The following TMPRSS12 variants were observed in gnomAD, a reference collection of about 807,000 sequenced individuals.
The protein encoded by TMPRSS12 is transmembrane protease serine 12.
A neutral mutation model predicts 26.0 loss-of-function variants in TMPRSS12; 25 were observed. The observed-to-expected ratio is 0.96, with a 90% CI of 0.70 to 1.34. The LOEUF (loss-of-function observed/expected upper bound fraction) is 1.34. Ranked by LOEUF, TMPRSS12 falls within the 40% of genes most tolerant of loss-of-function variation. TMPRSS12 has a pLI of 0.00. For missense variants in TMPRSS12, 441 were observed against 440.1 expected, an observed-to-expected ratio of 1.00 and a Z score of -0.02; for synonymous variants, 150 against 161.7, an observed-to-expected ratio of 0.93 and a Z score of 0.55.
chr12:50,864,854 T>C (rs1461598494), intron 3 of TMPRSS12, among the ~76,000 whole-genome samples: 1 of 151,350 alleles, frequency 6.6e-6, no homozygotes, highest in Non-Finnish European at 1.5e-5. Flanking sequence ...AGAGACAGGG[T>C]TTCACCGTGT....
At chr12:50,879,022 C>T (rs1375478751) in intron 3 of TMPRSS12, among the ~76,000 whole-genome samples, 2 of 152,178 alleles carry the variant, frequency 1.3e-5, no homozygotes, top group African/African-American at 2.4e-5. Flanking sequence ...AATCAGACAC[C>T]GAATCTGCCA....
At chr12:50,884,926 C>T (rs1283119606) in intron 3 of TMPRSS12, among the ~76,000 whole-genome samples, 1 of 150,940 alleles carries the variant, frequency 6.6e-6, no homozygotes, top group Non-Finnish European at 1.5e-5. Context: ...CACCTGTAAT[C>T]CCAGTTACTC....
intron 3 of TMPRSS12, among the ~76,000 whole-genome samples, chr12:50,871,457 T>C (rs1462822270): frequency 6.6e-6 from 1 of 152,194 alleles, no homozygotes; most frequent in East Asian, 1.9e-4. Context: ...CAAGATGGAT[T>C]AGGGACTTAA....
At chr12:50,864,652 T>C (rs1206789106) in intron 3 of TMPRSS12, among the ~76,000 whole-genome samples, 4 of 152,078 alleles carry the variant, frequency 2.6e-5, no homozygotes, top group African/African-American at 4.8e-5. Flanking sequence ...CAATAGACTA[T>C]TGTTTTGTTT....
At chr12:50,847,057 C>T (rs1386422943) in intron 2 of TMPRSS12, among the ~76,000 whole-genome samples, 7 of 109,904 alleles carry the variant, frequency 6.4e-5, no homozygotes, top group Non-Finnish European at 8.5e-5. Context: ...AGTCTAAAAA[C>T]TTTTTTTTTT....
At chr12:50,850,872 G>A (rs1307261594) in intron 2 of TMPRSS12, among the ~76,000 whole-genome samples, 3 of 152,170 alleles carry the variant, frequency 2.0e-5, no homozygotes, top group Non-Finnish European at 4.4e-5. Context: ...GACCATGAGA[G>A]GCCAGAGTAC....
At chr12:50,877,351 C>A (rs1193094708) in intron 3 of TMPRSS12, among the ~76,000 whole-genome samples, 1 of 152,012 alleles carries the variant, frequency 6.6e-6, no homozygotes, top group Non-Finnish European at 1.5e-5. Flanking sequence ...AGGAACAAAG[C>A]AAGGATTTTA....
At chr12:50,884,039 T>C (rs1189042558) in intron 3 of TMPRSS12, among the ~76,000 whole-genome samples, 1 of 152,208 alleles carries the variant, frequency 6.6e-6, no homozygotes, top group Non-Finnish European at 1.5e-5. Context: ...TAGAAGTCTC[T>C]TGATGGAATT....
rs543803070 is a variant in TMPRSS12 at position 50,872,341 on chromosome 12, G to A, written c.653-12905G>A. 1.0e-3 allele frequency among the ~76,000 whole-genome samples: 149 copies of A among 149,512 alleles called. 1 individual carries two copies. Among genetic ancestry groups the A allele is most frequent in the African/African-American group, 3.4e-3 (138 of 40,582 alleles). ...ATCCTGGCTAACAAGGTGAAACCCC[G>A]TCTCTACTAAAAATACAAAAAATTA... On this transcript the variant is annotated intron_variant, in intron 3 of 4. Transcript: ENST00000398458.
intron 2 of TMPRSS12, among the ~76,000 whole-genome samples, chr12:50,851,372 C>T (rs563398672): frequency 9.9e-5 from 15 of 152,022 alleles, no homozygotes; most frequent in Non-Finnish European, 2.1e-4. Context: ...CCAAACTGAT[C>T]TATAGAGTTA....
At chr12:50,885,198 G>A in intron 3 of TMPRSS12, 48 bp from the exon 4 acceptor site, 1 of 1,517,572 alleles carries the variant, frequency 6.6e-7, no homozygotes. Flanking sequence ...TTAAATCACT[G>A]TAAAAATGTC....
chr12:50,852,740 G>A (rs933097930), intron 2 of TMPRSS12, among the ~76,000 whole-genome samples: 14 of 151,742 alleles, frequency 9.2e-5, no homozygotes, highest in Admixed American at 5.9e-4. Flanking sequence ...TGACCAAAAG[G>A]GACAAAAAAG....
intron 3 of TMPRSS12, among the ~76,000 whole-genome samples, chr12:50,874,903 G>A (rs118023223): frequency 6.6e-6 from 1 of 152,216 alleles, no homozygotes; most frequent in East Asian, 1.9e-4. Context: ...TCTCTACAAG[G>A]AGAACTACAA....
At chr12:50,856,855 T>G (rs1937883036) in intron 2 of TMPRSS12, among the ~76,000 whole-genome samples, 1 of 8,248 alleles carries the variant, frequency 1.2e-4, no homozygotes, top group African/African-American at 1.3e-4. Context: ...CCGGCTAATT[T>G]TTGTATTTTT....
intron 3 of TMPRSS12, among the ~76,000 whole-genome samples, chr12:50,875,776 G>A (rs1938107985): frequency 6.6e-6 from 1 of 152,146 alleles, no homozygotes; most frequent in South Asian, 2.1e-4. Flanking sequence ...AGATTTAAAT[G>A]TAAGAGCTCA....
intron 2 of TMPRSS12, among the ~76,000 whole-genome samples, chr12:50,845,164 C>T (rs1592215542): frequency 1.3e-5 from 2 of 152,222 alleles, no homozygotes. Context: ...TAAAATCCAA[C>T]TGCAGTCTGA....
At chr12:50,886,692 A>G (rs1938229903) in intron 4 of TMPRSS12, 1 of 152,706 alleles carries the variant, frequency 6.5e-6, no homozygotes, top group South Asian at 2.1e-4. Context: ...TGTATAGACT[A>G]TGAAAGTGAC....
chr12:50,854,884 C>A (rs905684331), intron 2 of TMPRSS12, among the ~76,000 whole-genome samples: 6 of 152,200 alleles, frequency 3.9e-5, no homozygotes, highest in Admixed American at 2.6e-4. Context: ...AATGGCCATA[C>A]TGTCCAAAGC....
chr12:50,862,269 G>C (rs983970711), intron 3 of TMPRSS12, among the ~76,000 whole-genome samples: 2 of 152,178 alleles, frequency 1.3e-5, no homozygotes, highest in African/African-American at 4.8e-5. Context: ...TAAAGAGGGA[G>C]AATACATAGG....
Sources: gnomAD v4.1 joint callset for allele counts (sites outside exome capture counted in the v4.1 genomes callset) on GRCh38, gnomAD v4.1.1 for gene constraint, MANE v1.5 for transcripts, NCBI Gene and HGNC (gene_info 2026-07-23, HGNC 2026-07-21) for gene names.